The following PHACTR3 variants were observed in gnomAD, a reference collection of about 807,000 sequenced individuals.
PHACTR3 encodes the protein protein phosphatase 1, regulatory subunit 123.
In PHACTR3, 16 loss-of-function variants were observed where a neutral mutation model predicts 66.8. The observed-to-expected ratio is 0.24, with a 90% CI of 0.16 to 0.36. PHACTR3 has a LOEUF of 0.36. Ranked by LOEUF, PHACTR3 falls within the 10% of genes least tolerant of loss-of-function variation. The pLI, the probability that PHACTR3 is intolerant of heterozygous loss-of-function variation, is 1.00. For missense variants in PHACTR3, 647 were observed against 719.9 expected (o/e 0.90, Z 1.16); for synonymous variants, 323 against 292.1 (o/e 1.11, Z -1.08).
chr20:59,605,434 G>A (rs1303589471), intron 1 of PHACTR3, among the ~76,000 whole-genome samples: 1 of 152,234 alleles, frequency 6.6e-6, no homozygotes, highest in Non-Finnish European at 1.5e-5. Context: ...GACCGGCTGG[G>A]GGAAGAGAGG....
rs2039052370 is a variant in PHACTR3 at position 59,738,991 on chromosome 20, G to A, written c.119-4116G>A. Among the ~76,000 whole-genome samples, 1 of 152,114 alleles carries A rather than the reference G, an allele frequency of 6.6e-6. No individual in the cohort carries two copies. Among genetic ancestry groups the A allele is most frequent in the African/African-American group, 2.4e-5 (1 of 41,440 alleles). ...TCCCATCTGGTGTCTGTAGGTGGAG[G>A]AAGGAAAGGAGAGGATGAGAACATG... On this transcript the variant is annotated intron_variant, in intron 1 of 12. Transcript: ENST00000371015. The surrounding 1 kb of genome is among the most constrained non-coding windows in gnomAD (Gnocchi z 4.4).
intron 1 of PHACTR3, among the ~76,000 whole-genome samples, chr20:59,608,387 T>C (rs2033735866): frequency 1.3e-5 from 2 of 152,208 alleles, no homozygotes; most frequent in Admixed American, 6.5e-5. Flanking sequence ...CCCGTGAGCA[T>C]GGTTAGGTGT....
chr20:59,815,804 G>T (rs2041871274), intron 8 of PHACTR3, among the ~76,000 whole-genome samples: 1 of 152,106 alleles, frequency 6.6e-6, no homozygotes, highest in Non-Finnish European at 1.5e-5. Context: ...TGGATCATGG[G>T]TCTGCGAACT....
At chr20:59,781,357 G>T (rs535951769) in intron 7 of PHACTR3, among the ~76,000 whole-genome samples, 1 of 152,214 alleles carries the variant, frequency 6.6e-6, no homozygotes, top group African/African-American at 2.4e-5. Flanking sequence ...TGAGCCACCC[G>T]TCCCAGACCA....
At chr20:59,645,356 T>C (rs1367916236) in intron 1 of PHACTR3, among the ~76,000 whole-genome samples, 3 of 152,002 alleles carry the variant, frequency 2.0e-5, no homozygotes, top group Non-Finnish European at 4.4e-5. Flanking sequence ...AAAGTTCTCT[T>C]GTGGAATCAT....
chr20:59,603,463 C>T (rs1229501611), upstream of PHACTR3: 1 of 152,680 alleles, frequency 6.5e-6, no homozygotes, highest in South Asian at 2.1e-4. Flanking sequence ...CCCACCACCA[C>T]CCCGCTCAGT....
intron 3 of PHACTR3, among the ~76,000 whole-genome samples, chr20:59,751,962 G>A (rs565640515): frequency 6.6e-6 from 1 of 152,258 alleles, no homozygotes; most frequent in East Asian, 1.9e-4. Context: ...TTTATGTTCT[G>A]AATGACTTTC....
chr20:59,754,442 C>T (rs1004396979), intron 3 of PHACTR3, among the ~76,000 whole-genome samples: 2 of 152,224 alleles, frequency 1.3e-5, no homozygotes, highest in African/African-American at 4.8e-5. Context: ...TGGTCATCTG[C>T]GTGGCTTCCT....
chr20:59,686,090 C>A (rs1325879053), intron 1 of PHACTR3, among the ~76,000 whole-genome samples: 2 of 152,184 alleles, frequency 1.3e-5, no homozygotes, highest in African/African-American at 2.4e-5. Context: ...GACGGTTTTC[C>A]TTCTGAATTT....
chr20:59,619,186 C>T (rs956272961), intron 1 of PHACTR3, among the ~76,000 whole-genome samples: 3 of 152,136 alleles, frequency 2.0e-5, no homozygotes, highest in Non-Finnish European at 2.9e-5. Flanking sequence ...TGACAGGTTT[C>T]GCCTGCATGC....
chr20:59,775,666 G>A (rs1254129281), intron 7 of PHACTR3, among the ~76,000 whole-genome samples: 2 of 152,224 alleles, frequency 1.3e-5, no homozygotes, highest in African/African-American at 4.8e-5. Flanking sequence ...GAAACTAGGA[G>A]CTGGTCACTG....
At chr20:59,822,781 A>T (rs890720681) in intron 8 of PHACTR3, among the ~76,000 whole-genome samples, 2 of 152,108 alleles carry the variant, frequency 1.3e-5, no homozygotes, top group East Asian at 3.9e-4. Context: ...TCCCAGCCTC[A>T]CTAGGAGTGG....
intron 4 of PHACTR3, among the ~76,000 whole-genome samples, chr20:59,763,123 G>T (rs1005201149): frequency 1.3e-5 from 2 of 152,174 alleles, no homozygotes. Flanking sequence ...ATCACAGGGG[G>T]GCAGTTTCCT....
In PHACTR3 at chr20:59,676,093, C is replaced by T. The variant is rs995373366; in HGVS notation, c.119-67014C>T. 5.9e-5 allele frequency among the ~76,000 whole-genome samples: 9 copies of T among 152,316 alleles called. No homozygotes were observed. The South Asian group carries it at 6.2e-4, about 11-fold the overall frequency. ...CTCCCTGATCTAAGACTTCAGCAGC[C>T]GCCTCAGGACTCTGCATGGCCAAGG... On this transcript the variant is annotated intron_variant, in intron 1 of 12. Coordinates refer to ENST00000371015, the MANE Select transcript of PHACTR3 (RefSeq NM_080672.5).
At chr20:59,602,439 C>CAAAAA (rs11477953), upstream of PHACTR3, among the ~76,000 whole-genome samples, 1 of 86,002 alleles carries the variant, frequency 1.2e-5, no homozygotes, top group African/African-American at 4.0e-5. Flanking sequence ...AAAACTCTTT[C>CAAAAA]AAAAAAAAAA....
rs920089649 is a variant in PHACTR3 at position 59,830,505 on chromosome 20, A to C, written c.1329-6000A>C. 2.0e-5 allele frequency among the ~76,000 whole-genome samples: 3 copies of C among 151,978 alleles called. No individual in the cohort carries two copies. Among genetic ancestry groups the C allele is most frequent in the African/African-American group, 7.3e-5 (3 of 41,338 alleles). Reference sequence around the variant, plus strand: ...TGAGCAGATGTTGAAAGAGGGTGTGAGCATCCGTCTGATGGAGGAGGCTGT... The same window carrying C: ...TGAGCAGATGTTGAAAGAGGGTGTGCGCATCCGTCTGATGGAGGAGGCTGT... On this transcript the variant is annotated intron_variant, in intron 8 of 12. Transcript: ENST00000371015. The surrounding 1 kb of genome is among the most constrained non-coding windows in gnomAD (Gnocchi z 5.8).
chr20:59,655,818 T>G lies in PHACTR3; in HGVS notation c.118+50686T>G, dbSNP rs143390995. ...CTATTTAAGCATTTCTGTGACTCTG[T>G]TTCATAAATTTTGCTTCATTGTTTC... On this transcript the variant is annotated intron_variant, in intron 1 of 12. Transcript: ENST00000371015. Among the ~76,000 whole-genome samples, 1,364 of 151,982 alleles carry G rather than the reference T, an allele frequency of 9.0e-3. 25 individuals are homozygous for G. The highest frequency in any genetic ancestry group is 0.031 in the African/African-American group (1,283 of 41,542).
chr20:59,705,709 G>A (rs550072141), intron 1 of PHACTR3, among the ~76,000 whole-genome samples: 108 of 152,284 alleles, frequency 7.1e-4, no homozygotes, highest in African/African-American at 2.2e-3. Context: ...CCTGGTTCAA[G>A]GGCAGTTCTG....
rs2042330209 is a variant in PHACTR3 at position 59,830,396 on chromosome 20, GTGA to G, written c.1329-6105_1329-6103del. Among the ~76,000 whole-genome samples, 1 of 151,838 alleles carries G rather than the reference GTGA, an allele frequency of 6.6e-6. No homozygotes were observed. Among genetic ancestry groups the G allele is most frequent in the Admixed American group, 6.6e-5 (1 of 15,262 alleles). ...TGAATGTCTGATGGAGAGAGCATGA[GTGA>G]TGAAGAGGGTGTGAGTGTCTGATGG... On this transcript the variant is annotated intron_variant, in intron 8 of 12. Transcript: ENST00000371015. The surrounding 1 kb of genome is among the most constrained non-coding windows in gnomAD (Gnocchi z 5.8).
Sources: allele counts gnomAD v4.1 joint callset (sites outside exome capture counted in the v4.1 genomes callset), GRCh38; gene constraint gnomAD v4.1.1; non-coding constraint Gnocchi (gnomAD v3.1); transcripts MANE v1.5; gene names NCBI Gene and HGNC (gene_info 2026-07-23, HGNC 2026-07-21).